Variants in GALNT13 observed in about 807,000 individuals in gnomAD.
GALNT13 encodes the protein UDP-GalNAc:polypeptide N-acetylgalactosaminyltransferase 13.
In GALNT13, 28 loss-of-function variants were observed where a neutral mutation model predicts 64.2. That is an observed-to-expected ratio of 0.44 (90% CI 0.32 to 0.60). The LOEUF (loss-of-function observed/expected upper bound fraction) is 0.60, where lower values mean the gene tolerates loss of function less well. Ranked by LOEUF, GALNT13 falls within the 20% of genes least tolerant of loss-of-function variation. GALNT13 has a pLI of 0.05. For missense variants in GALNT13, 577 were observed against 669.8 expected, an observed-to-expected ratio of 0.86 and a Z score of 1.53; for synonymous variants, 214 against 224.6, an observed-to-expected ratio of 0.95 and a Z score of 0.42.
chr2:153,753,160 A>G, the GALNT13 span, among the ~76,000 whole-genome samples: 2 of 151,984 alleles, frequency 1.3e-5, no homozygotes, highest in Admixed American at 1.3e-4. Flanking sequence ...GTTGTCTTGA[A>G]TTTCTTTAAG....
chr2:153,472,132 A>G, the GALNT13 span, among the ~76,000 whole-genome samples: 1 of 152,222 alleles, frequency 6.6e-6, no homozygotes, highest in Non-Finnish European at 1.5e-5. Flanking sequence ...TCTTTTTCCA[A>G]AGCAATCAGA....
intron 9 of GALNT13, among the ~76,000 whole-genome samples, chr2:154,323,931 A>G (rs1159960624): frequency 6.6e-6 from 1 of 152,138 alleles, no homozygotes; most frequent in East Asian, 1.9e-4. Context: ...ATTATCTCCC[A>G]GGTGCCAATT....
At chr2:153,084,012 G>C in the GALNT13 span, among the ~76,000 whole-genome samples, 1 of 152,040 alleles carries the variant, frequency 6.6e-6, no homozygotes, top group African/African-American at 2.4e-5. Context: ...TCCACTTTAT[G>C]TTTTTGTTTG....
the GALNT13 span, among the ~76,000 whole-genome samples, chr2:153,601,667 G>A: frequency 6.6e-6 from 1 of 151,648 alleles, no homozygotes; most frequent in Non-Finnish European, 1.5e-5. Flanking sequence ...GACCGCACAT[G>A]TACTGTAATA....
chr2:153,909,500 C>G (rs749367081), intron 2 of GALNT13, among the ~76,000 whole-genome samples: 7 of 151,924 alleles, frequency 4.6e-5, no homozygotes, highest in Non-Finnish European at 1.0e-4. Context: ...GAGGGGGCAT[C>G]CTTGTCTTGT....
intron 3 of GALNT13, among the ~76,000 whole-genome samples, chr2:154,095,611 A>G (rs1702035416): frequency 6.6e-6 from 1 of 152,050 alleles, no homozygotes; most frequent in Admixed American, 6.6e-5. Flanking sequence ...GAAGAGAAAC[A>G]GAAAACAACA....
chr2:154,398,718 C>A (rs1288505635), intron 10 of GALNT13, among the ~76,000 whole-genome samples: 1 of 152,148 alleles, frequency 6.6e-6, no homozygotes, highest in Non-Finnish European at 1.5e-5. Context: ...TCTCTACTAC[C>A]TCTGTCAACA....
At chr2:153,827,636 A>C in the GALNT13 span, among the ~76,000 whole-genome samples, 2 of 151,956 alleles carry the variant, frequency 1.3e-5, no homozygotes, top group Admixed American at 1.3e-4. Context: ...AAAAAAAAAA[A>C]AAAAAAACGA....
At chr2:153,236,458 G>C in the GALNT13 span, among the ~76,000 whole-genome samples, 7 of 152,036 alleles carry the variant, frequency 4.6e-5, no homozygotes, top group African/African-American at 1.7e-4. Flanking sequence ...CTTTCTTGTT[G>C]GGGGCTAATG....
chr2:153,630,787 ATATATATATATATATATATATTTT>A, the GALNT13 span, among the ~76,000 whole-genome samples: 2 of 10,694 alleles, frequency 1.9e-4, no homozygotes, highest in Admixed American at 1.0e-3. Flanking sequence ...ATATATATAT[ATATATATATATATATATATATTTT>A]TTTTTTTTTT....
At chr2:154,399,621 A>T (rs944324564) in intron 10 of GALNT13, among the ~76,000 whole-genome samples, 1 of 152,146 alleles carries the variant, frequency 6.6e-6, no homozygotes, top group Non-Finnish European at 1.5e-5. Context: ...TCATAGTTAG[A>T]CATGTTATCT....
intron 9 of GALNT13, among the ~76,000 whole-genome samples, chr2:154,318,971 T>C (rs1694475827): frequency 6.6e-6 from 1 of 152,104 alleles, no homozygotes; most frequent in African/African-American, 2.4e-5. Context: ...AACTGGTAAG[T>C]AAAGACTAAT....
the GALNT13 span, among the ~76,000 whole-genome samples, chr2:153,344,912 A>T: frequency 6.6e-6 from 1 of 152,232 alleles, no homozygotes; most frequent in East Asian, 1.9e-4. Context: ...ACGCTGGAGA[A>T]GAAAAATGAT....
At chr2:153,244,632 G>A in the GALNT13 span, among the ~76,000 whole-genome samples, 1 of 152,314 alleles carries the variant, frequency 6.6e-6, no homozygotes, top group African/African-American at 2.4e-5. Context: ...GTTTTTGTCT[G>A]GAGATCAGGA....
the GALNT13 span, among the ~76,000 whole-genome samples, chr2:153,424,567 A>C: frequency 6.6e-6 from 1 of 151,924 alleles, no homozygotes; most frequent in Non-Finnish European, 1.5e-5. Context: ...AAACTGCAAT[A>C]AAGTAACATT....
the GALNT13 span, among the ~76,000 whole-genome samples, chr2:153,475,002 C>A: frequency 6.6e-6 from 1 of 152,082 alleles, no homozygotes; most frequent in African/African-American, 2.4e-5. Context: ...GGGAAAGGAC[C>A]GACACTCCAT....
At chr2:153,857,083 A>G in the GALNT13 span, among the ~76,000 whole-genome samples, 8 of 152,116 alleles carry the variant, frequency 5.3e-5, no homozygotes, top group Non-Finnish European at 8.8e-5. Flanking sequence ...ACTGAAGGGA[A>G]TTTTATGGTG....
chr2:154,119,346 T>C (rs1317305720), intron 3 of GALNT13, among the ~76,000 whole-genome samples: 1 of 152,186 alleles, frequency 6.6e-6, no homozygotes, highest in Non-Finnish European at 1.5e-5. Flanking sequence ...TCTTGTTTCT[T>C]GCTACTCTCA....
At chr2:153,458,899 C>T in the GALNT13 span, among the ~76,000 whole-genome samples, 1 of 152,018 alleles carries the variant, frequency 6.6e-6, no homozygotes, top group Non-Finnish European at 1.5e-5. Flanking sequence ...ATTATAAATT[C>T]CATACTATTG....
Sources: gnomAD v4.1 joint callset for allele counts (sites outside exome capture counted in the v4.1 genomes callset) on GRCh38, gnomAD v4.1.1 for gene constraint, MANE v1.5 for transcripts, NCBI Gene and HGNC (gene_info 2026-07-23, HGNC 2026-07-21) for gene names.